Variants in TTF1 observed in about 807,000 individuals in gnomAD.
TTF1 encodes transcription termination factor 1, also known as transcription termination factor, RNA polymerase I.
Under a neutral mutation model 80.2 loss-of-function variants are expected in TTF1, and 64 were observed. The ratio of observed to expected loss-of-function variants is 0.80; its 90% CI spans 0.65 to 0.98. TTF1 has a LOEUF of 0.98. Among genes scored for constraint, TTF1 ranks in the 50% least tolerant of loss-of-function variants. The probability of loss-of-function intolerance (pLI) is 0.00; values close to 1 mark genes in which losing one functional copy is unlikely to be tolerated. For missense variants in TTF1, 1,023 were observed against 1,086.2 expected (o/e 0.94, Z 0.82); for synonymous variants, 372 against 382.7 (o/e 0.97, Z 0.33).
intron 2 of TTF1, among the ~76,000 whole-genome samples, chr9:132,400,687 G>C (rs1408825526): frequency 6.6e-6 from 1 of 152,106 alleles, no homozygotes; most frequent in East Asian, 1.9e-4. Flanking sequence ...TGAGATCTTG[G>C]AGTTGACTCA....
chr9:132,390,947 A>G, intron 6 of TTF1, 116 bp from the exon 7 acceptor site: 1 of 888,410 alleles, frequency 1.1e-6, no homozygotes, highest in South Asian at 1.7e-5. Context: ...TCTCAATTAT[A>G]TAGACATAAA....
chr9:132,388,155 C>A lies in TTF1; in HGVS notation c.2296G>T (p.Val766Phe), dbSNP rs1320931678. 1 of 1,611,638 alleles carries A rather than the reference C, an allele frequency of 6.2e-7. No homozygotes were observed. The highest frequency in any genetic ancestry group is 1.1e-5 in the South Asian group (1 of 90,936). ...YYGMNALRAK[V>F]SLIERLYEIN... ...TTTTCATACCTTTCAATAAGGCTGA[C>A]CTTGGCCCGCAGGGCATTCATGCCA... is the stretch of plus-strand genomic sequence containing the variant. The change falls in exon 8 of 11, where the codon GTC becomes TTC. Residue 766 changes from valine to phenylalanine, a missense_variant. Physicochemically the swap from Val to Phe is conservative, Grantham distance 50. Transcript: ENST00000334270.
chr9:132,381,382 G>A (rs765569677), intron 9 of TTF1, among the ~76,000 whole-genome samples: 1 of 152,084 alleles, frequency 6.6e-6, no homozygotes, highest in Non-Finnish European at 1.5e-5. Flanking sequence ...TAGAGATGGG[G>A]TTTCACCATG....
chr9:132,396,182 G>T (rs1345984626), intron 5 of TTF1, among the ~76,000 whole-genome samples: 1 of 152,156 alleles, frequency 6.6e-6, no homozygotes, highest in Non-Finnish European at 1.5e-5. Flanking sequence ...AGCAGCATAT[G>T]GGGAGTGCTA....
At chr9:132,391,961 G>A in intron 6 of TTF1, 115 bp downstream of exon 6, 1 of 1,486,802 alleles carries the variant, frequency 6.7e-7, no homozygotes, top group East Asian at 2.3e-5. Context: ...AAGAAACAAA[G>A]CTCTTGCGGA....
intron 4 of TTF1, among the ~76,000 whole-genome samples, chr9:132,397,411 T>C (rs1015683780): frequency 6.6e-6 from 1 of 152,216 alleles, no homozygotes; most frequent in Non-Finnish European, 1.5e-5. Flanking sequence ...TCTGATCCCA[T>C]ATGACAGCAT....
In TTF1 at chr9:132,384,126, C is replaced by T. The variant is rs1166299; in HGVS notation, c.2378+2430G>A. Among the ~76,000 whole-genome samples, 150,136 of 152,278 alleles carry T rather than the reference C, an allele frequency of 0.99. 74,045 individuals are homozygous for T. The highest frequency in any genetic ancestry group is 1 in the East Asian group (5,178 of 5,178). On this transcript the variant is annotated intron_variant, in intron 9 of 10. Coordinates refer to ENST00000334270, the MANE Select transcript of TTF1 (RefSeq NM_007344.4). The surrounding 1 kb of genome is among the most constrained non-coding windows in gnomAD (Gnocchi z 4.1). Reference sequence around the variant, plus strand: ...AGTGAATGTAGATGTTTAATAAGGACGGCTGGATTTTGACAGTTGCTGAAC... The same window carrying T: ...AGTGAATGTAGATGTTTAATAAGGATGGCTGGATTTTGACAGTTGCTGAAC...
intron 10 of TTF1, among the ~76,000 whole-genome samples, chr9:132,376,996 G>C (rs1849190638): frequency 6.6e-6 from 1 of 152,180 alleles, no homozygotes; most frequent in Non-Finnish European, 1.5e-5. Flanking sequence ...TTTTTAACAA[G>C]TTCCTCACAT....
chr9:132,401,714 C>T lies in TTF1; in HGVS notation c.1108G>A (p.Val370Met). ...CCTTTAAGAGCTGTACTGCCTTCCA[C>T]AGTCCCAACCTCACTGCCCACCTGT... ...GSQVGSEVGT[V>M]EGSTALKGFK... The change falls in exon 2 of 11, where the codon GTG becomes ATG. Residue 370 changes from valine (V) to methionine (M), a missense_variant. Coordinates refer to ENST00000334270, the MANE Select transcript of TTF1 (RefSeq NM_007344.4). 9 of 1,614,178 alleles carry T rather than the reference C, an allele frequency of 5.6e-6. No individual in the cohort carries two copies. The highest frequency in any genetic ancestry group is 7.6e-6 in the Non-Finnish European group (9 of 1,179,968).
At chr9:132,377,633 G>GGT (rs1849237542) in intron 10 of TTF1, among the ~76,000 whole-genome samples, 1 of 131,266 alleles carries the variant, frequency 7.6e-6, no homozygotes, top group Non-Finnish European at 1.6e-5. Context: ...GAGTGCATGT[G>GGT]GTGCGTGTGA....
intron 5 of TTF1, among the ~76,000 whole-genome samples, chr9:132,394,642 C>T (rs1849614842): frequency 1.3e-5 from 2 of 152,076 alleles, no homozygotes. Context: ...CCTGCAATCC[C>T]AGCACTTTGG....
intron 1 of TTF1, among the ~76,000 whole-genome samples, chr9:132,404,761 T>C (rs1489482004): frequency 6.6e-6 from 1 of 152,170 alleles, no homozygotes; most frequent in East Asian, 1.9e-4. Context: ...ACCCCACTAC[T>C]CCACTGAGAC....
Position 132,406,016 on chromosome 9 carries a change from CT to C in TTF1, c.-8+773del, listed in dbSNP as rs376046320. 2.0e-3 allele frequency among the ~76,000 whole-genome samples: 310 copies of C among 152,314 alleles called. 1 individual carries two copies. The highest frequency in any genetic ancestry group is 6.5e-3 in the African/African-American group (272 of 41,566). On this transcript the variant is annotated intron_variant, in intron 1 of 10. Coordinates refer to ENST00000334270, the MANE Select transcript of TTF1 (RefSeq NM_007344.4). Reference sequence around the variant, plus strand: ...CAACAACCAGCTGCTCCCCATTGCACTTTTGGCAGTTATAATATGATCGGCT... The same window carrying C: ...CAACAACCAGCTGCTCCCCATTGCACTTTGGCAGTTATAATATGATCGGCT...
At position 132,402,828 on chromosome 9, in the gene TTF1, C is replaced by T. The variant is rs372140990; in HGVS notation, c.-7G>A. The T allele has an allele frequency of 7.0e-6, 11 of 1,566,926 alleles. No individual in the cohort carries two copies. The highest frequency in any genetic ancestry group is 2.2e-5 in the East Asian group (1 of 44,528). On this transcript the variant is annotated splice_region_variant and 5_prime_UTR_variant, in exon 2 of 11. Transcript: ENST00000334270. ...TGCTTGATTCTCCTTCCATTTTATT[C>T]CTATATGGAAATGTGACAACAATGG...
chr9:132,392,784 C>A lies in TTF1; in HGVS notation c.1857-578G>T, dbSNP rs563468971. Among the ~76,000 whole-genome samples, 281 of 152,218 alleles carry A rather than the reference C, an allele frequency of 1.8e-3. 1 individual carries two copies. The highest frequency in any genetic ancestry group is 6.6e-3 in the African/African-American group (276 of 41,530). Reference sequence around the variant, plus strand: ...AAAACTCACTTTACCTAGTTTTAATCAAAGGAACTTTAAGAATATATTTCT... The same window carrying A: ...AAAACTCACTTTACCTAGTTTTAATAAAAGGAACTTTAAGAATATATTTCT... On this transcript the variant is annotated intron_variant, in intron 5 of 10. Coordinates refer to ENST00000334270, the MANE Select transcript of TTF1 (RefSeq NM_007344.4).
intron 8 of TTF1, among the ~76,000 whole-genome samples, chr9:132,387,636 C>T (rs999909501): frequency 6.6e-6 from 1 of 152,174 alleles, no homozygotes; most frequent in Non-Finnish European, 1.5e-5. Context: ...GTCCACTAGT[C>T]TCACACGCAT....
rs1849540613 is a variant in TTF1, at chr9:132,390,514, ACGGCAGTTACAC to A, written c.2222+71_2222+82del. On this transcript the variant is annotated intron_variant, in intron 7 of 10. Coordinates refer to ENST00000334270, the MANE Select transcript of TTF1 (RefSeq NM_007344.4). Reference sequence around the variant, plus strand: ...TTGTTCTTGACACGTCAGCTTCCCCACGGCAGTTACACAGATATTCTTGGTAACCTCACCTCT... The same window carrying A: ...TTGTTCTTGACACGTCAGCTTCCCCAAGATATTCTTGGTAACCTCACCTCT... The A allele has an allele frequency of 1.0e-4, 135 of 1,355,218 alleles. 2 individuals carry two copies. In the South Asian group the frequency reaches 1.7e-3, roughly 17 times the overall value. 83.9% of individuals were successfully genotyped at this position (1,355,218 alleles called of 1,614,324 possible).
In TTF1 at chr9:132,375,677, TATATAA is replaced by T. The variant is rs796097896; in HGVS notation, c.*232_*237del. ...CTGAAAACAGATTTACTGACATATG[TATATAA>T]ATATAATCAAACTGAGAAAAAGGGA... is the stretch of plus-strand genomic sequence containing the variant. On this transcript the variant is annotated 3_prime_UTR_variant, in exon 11 of 11. Coordinates refer to ENST00000334270, the MANE Select transcript of TTF1 (RefSeq NM_007344.4). 4.2e-5 allele frequency: 17 copies of T among 405,174 alleles called. No individual in the cohort carries two copies. The highest frequency in any genetic ancestry group is 1.4e-4 in the African/African-American group (7 of 49,860). 25.1% of individuals were successfully genotyped at this position (405,174 alleles called of 1,614,324 possible).
chr9:132,400,946 A>C (rs929304005), intron 2 of TTF1, among the ~76,000 whole-genome samples: 4 of 152,264 alleles, frequency 2.6e-5, no homozygotes, highest in Admixed American at 1.3e-4. Context: ...ACATGAAGAA[A>C]TTAAACTACC....
Sources: allele counts gnomAD v4.1 joint callset (sites outside exome capture counted in the v4.1 genomes callset), GRCh38; gene constraint gnomAD v4.1.1; non-coding constraint Gnocchi (gnomAD v3.1); transcripts MANE v1.5; gene names NCBI Gene and HGNC (gene_info 2026-07-23, HGNC 2026-07-21).